PCDH15: variants seen among roughly 807,000 people sequenced by gnomAD.
PCDH15 encodes protocadherin related 15, also known as protocadherin-15.
PCDH15 carries 129 observed loss-of-function variants against 178.5 expected under a neutral mutation model. The observed-to-expected ratio is 0.72, with a 90% CI of 0.63 to 0.84. The LOEUF is 0.84. Ranked by LOEUF, PCDH15 falls within the 40% of genes least tolerant of loss-of-function variation. The pLI is 0.00. For synonymous variants in PCDH15, 800 were observed against 732.0 expected, an observed-to-expected ratio of 1.09 and a Z score of -1.50; for missense variants, 2,230 against 2,099.9, an observed-to-expected ratio of 1.06 and a Z score of -1.21.
chr10:53,808,251 T>G (rs996285375), intron 37 of PCDH15: 2 of 244,352 alleles, frequency 8.2e-6, no homozygotes, highest in Non-Finnish European at 6.5e-6. Flanking sequence ...AGTAGACGAC[T>G]GTTAAAGATA....
At chr10:54,637,639 C>A (rs545703890) in intron 2 of PCDH15, among the ~76,000 whole-genome samples, 1 of 152,018 alleles carries the variant, frequency 6.6e-6, no homozygotes, top group Non-Finnish European at 1.5e-5. Flanking sequence ...CTGTATATTC[C>A]AAAATAATCT....
At chr10:55,538,420 CCCTCCCTT>C (rs1841640976) in intron 2 of PCDH15, among the ~76,000 whole-genome samples, 1 of 95,418 alleles carries the variant, frequency 1.0e-5, no homozygotes, top group South Asian at 4.1e-4. Flanking sequence ...CTTCCTCCCT[CCCTCCCTT>C]CCTTCCTTCC....
At chr10:55,203,948 T>A (rs1591987292) in intron 1 of PCDH15, among the ~76,000 whole-genome samples, 1 of 151,974 alleles carries the variant, frequency 6.6e-6, no homozygotes, top group South Asian at 2.1e-4. Flanking sequence ...TGGTGGTGCA[T>A]GCCTGTAATC....
chr10:55,093,171 G>A (rs1842358467), intron 2 of PCDH15, among the ~76,000 whole-genome samples: 1 of 151,882 alleles, frequency 6.6e-6, no homozygotes, highest in South Asian at 2.1e-4. Context: ...TATAGTTTGG[G>A]CTGTCAATTT....
chr10:54,861,425 T>C (rs1953840547), intron 3 of PCDH15, among the ~76,000 whole-genome samples: 1 of 152,062 alleles, frequency 6.6e-6, no homozygotes, highest in South Asian at 2.1e-4. Context: ...CGGGAAGAAA[T>C]AGAAATCCTG....
intron 2 of PCDH15, among the ~76,000 whole-genome samples, chr10:55,357,037 T>C (rs1441929042): frequency 6.6e-6 from 1 of 151,810 alleles, no homozygotes; most frequent in Non-Finnish European, 1.5e-5. Flanking sequence ...TTAGAGAAAA[T>C]ATGTGTAGAG....
chr10:54,262,656 A>C (rs2057398630), intron 8 of PCDH15, among the ~76,000 whole-genome samples: 1 of 152,166 alleles, frequency 6.6e-6, no homozygotes, highest in African/African-American at 2.4e-5. Context: ...ACCTAATCTC[A>C]AGTGAAGGAG....
At chr10:54,797,507 AACACACACACACAC>A (rs71014418) in intron 1 of PCDH15, among the ~76,000 whole-genome samples, 500 of 145,280 alleles carry the variant, frequency 3.4e-3, no homozygotes, top group Middle Eastern at 0.014. Context: ...TTATTGTTGA[AACACACACACACAC>A]ACACACACAC....
At chr10:54,491,791 T>C (rs1027796681) in intron 3 of PCDH15, among the ~76,000 whole-genome samples, 1 of 152,180 alleles carries the variant, frequency 6.6e-6, no homozygotes, top group Non-Finnish European at 1.5e-5. Context: ...GTCAAAATTC[T>C]GGTCTTTGCT....
intron 15 of PCDH15, among the ~76,000 whole-genome samples, chr10:54,130,379 C>T (rs1006660114): frequency 6.6e-6 from 1 of 152,098 alleles, no homozygotes; most frequent in South Asian, 2.1e-4. Flanking sequence ...ACGATTTCGG[C>T]GCGGTCTGGC....
intron 2 of PCDH15, among the ~76,000 whole-genome samples, chr10:55,116,207 A>G (rs1293935207): frequency 6.6e-6 from 1 of 152,170 alleles, no homozygotes; most frequent in South Asian, 2.1e-4. Flanking sequence ...GCAGGTAAAT[A>G]ACTAATGGCT....
At chr10:55,323,928 C>A (rs902028146), upstream of PCDH15, among the ~76,000 whole-genome samples, 3 of 152,064 alleles carry the variant, frequency 2.0e-5, no homozygotes, top group Non-Finnish European at 4.4e-5. Context: ...TGTAATAATG[C>A]CCATGCATCA....
chr10:54,489,105 C>A (rs2079354167), intron 3 of PCDH15, among the ~76,000 whole-genome samples: 1 of 151,960 alleles, frequency 6.6e-6, no homozygotes, highest in Admixed American at 6.6e-5. Context: ...ATTTATTATG[C>A]CCTGGATCAA....
intron 2 of PCDH15, among the ~76,000 whole-genome samples, chr10:55,144,749 T>A: frequency 6.6e-6 from 1 of 152,130 alleles, no homozygotes. Flanking sequence ...GTTTCAATTT[T>A]AAACAAACAG....
intron 8 of PCDH15, among the ~76,000 whole-genome samples, chr10:54,260,031 A>T (rs1452078500): frequency 6.6e-6 from 1 of 152,222 alleles, no homozygotes; most frequent in African/African-American, 2.4e-5. Context: ...AAGGAAGATC[A>T]TAGGAAAGAT....
intron 2 of PCDH15, among the ~76,000 whole-genome samples, chr10:54,635,405 CACAT>C (rs1476683542): frequency 1.3e-5 from 2 of 151,442 alleles, no homozygotes; most frequent in Non-Finnish European, 1.5e-5. Context: ...TATATGCACA[CACAT>C]AATTTCATAC....
chr10:55,454,574 G>A (rs1011549565), intron 2 of PCDH15, among the ~76,000 whole-genome samples: 57 of 150,204 alleles, frequency 3.8e-4, no homozygotes, highest in African/African-American at 1.4e-3. Flanking sequence ...TCAGGAGATC[G>A]AGATCATCCT....
intron 3 of PCDH15, among the ~76,000 whole-genome samples, chr10:54,437,273 C>T (rs2075485274): frequency 6.6e-6 from 1 of 152,112 alleles, no homozygotes; most frequent in Non-Finnish European, 1.5e-5. Flanking sequence ...ATAGGTATTA[C>T]ACTAATTAAC....
At chr10:54,293,377 T>G (rs893529701) in intron 8 of PCDH15, among the ~76,000 whole-genome samples, 13 of 152,146 alleles carry the variant, frequency 8.5e-5, no homozygotes, top group Admixed American at 3.3e-4. Flanking sequence ...GAGGAAAACC[T>G]AGGCAATACC....
Sources: gnomAD v4.1 joint callset for allele counts (sites outside exome capture counted in the v4.1 genomes callset) on GRCh38, gnomAD v4.1.1 for gene constraint, MANE v1.5 for transcripts, NCBI Gene and HGNC (gene_info 2026-07-23, HGNC 2026-07-21) for gene names.